Variants in CCDC159 observed in about 807,000 individuals in gnomAD.
CCDC159 encodes the protein coiled-coil domain-containing protein 159.
A neutral mutation model predicts 50.9 loss-of-function variants in CCDC159; 40 were observed. That is an observed-to-expected ratio of 0.79 (90% CI 0.61 to 1.02). The LOEUF is 1.02. CCDC159 is among the 50% of genes least tolerant of loss of function. CCDC159 has a pLI of 0.00. For missense variants in CCDC159, 356 were observed against 371.5 expected (o/e 0.96, Z 0.34); for synonymous variants, 146 against 138.9 (o/e 1.05, Z -0.36).
At chr19:11,351,156 G>C in intron 5 of CCDC159, 153 bp downstream of exon 5, 2 of 779,766 alleles carry the variant, frequency 2.6e-6, no homozygotes, top group Middle Eastern at 3.2e-4. Flanking sequence ...AGGGAATGAG[G>C]CCGGGTGTGG....
chr19:11,349,561 C>G (rs1346786919), intron 1 of CCDC159, 93 bp from the exon 2 acceptor site: 6 of 1,544,256 alleles, frequency 3.9e-6, no homozygotes, highest in Middle Eastern at 1.7e-4. Flanking sequence ...CTGAGGAGAT[C>G]CAACTCTTGT....
intron 1 of CCDC159, 102 bp downstream of exon 1, chr19:11,346,729 C>T: frequency 7.3e-7 from 1 of 1,363,952 alleles, no homozygotes; most frequent in Non-Finnish European, 1.0e-6. Context: ...ATAATTCTCC[C>T]GGGAGGGACA....
At chr19:11,353,961 C>A in intron 9 of CCDC159, 87 bp downstream of exon 9, 1 of 1,036,868 alleles carries the variant, frequency 9.6e-7, no homozygotes, top group Non-Finnish European at 1.4e-6. Flanking sequence ...ATTTGGGAGT[C>A]ACATCTGATG....
At chr19:11,351,411 T>A (rs1290789464) in intron 5 of CCDC159, 7 of 168,566 alleles carry the variant, frequency 4.2e-5, no homozygotes, top group Non-Finnish European at 7.2e-5. Context: ...CACTCCAGCC[T>A]GGGCGCCTGG....
In CCDC159 at chr19:11,349,941, A is replaced by G; in HGVS notation, c.59A>G (p.Lys20Arg). Residue 20 changes from lysine (K) to arginine (R), a missense_variant, in exon 3 of 11, where the codon AAG (lysine) becomes AGG (arginine). Physicochemically the swap from Lys to Arg is conservative, Grantham distance 26 (BLOSUM62 2). Transcript: ENST00000458408. The part of the protein sequence containing the change: ...LETSSSKVKA[K>R]TIVMIPDSQK... The stretch of plus-strand genomic sequence containing the variant: ...TCACCCTCTTCTCTGCCCACAGCCA[A>G]GACCATTGTGATGATTCCCGACTCC... The G allele has an allele frequency of 6.2e-6, 10 of 1,613,674 alleles. No homozygotes were observed. The highest frequency in any genetic ancestry group is 8.5e-6 in the Non-Finnish European group (10 of 1,179,798).
intron 10 of CCDC159, 66 bp from the exon 11 acceptor site, chr19:11,354,807 C>T: frequency 1.2e-6 from 2 of 1,612,228 alleles, no homozygotes; most frequent in Non-Finnish European, 1.7e-6. Context: ...GGCATGCGGT[C>T]CCTGACCTGC....
At chr19:11,353,261 C>T (rs1454970397) in intron 7 of CCDC159, 190 bp from the exon 8 acceptor site, 5 of 438,026 alleles carry the variant, frequency 1.1e-5, no homozygotes, top group East Asian at 6.5e-5. Flanking sequence ...CCACCACGCC[C>T]GGCTAACTTT....
At chr19:11,353,766 G>GC (rs1967719370) in intron 8 of CCDC159, 26 bp from the exon 9 acceptor site, 1 of 1,575,740 alleles carries the variant, frequency 6.3e-7, no homozygotes, top group Non-Finnish European at 8.6e-7. Context: ...GTCTCCCAGC[G>GC]CCCCCAGCTC....
chr19:11,346,763 C>A, intron 1 of CCDC159, 136 bp downstream of exon 1: 1 of 1,010,310 alleles, frequency 9.9e-7, no homozygotes, highest in Non-Finnish European at 1.5e-6. Context: ...CGGGATGGGA[C>A]GGGGAGAGAG....
rs187734834 is a variant in CCDC159, at chr19:11,354,592, A to T, written c.785A>T (p.His262Leu). The change falls in exon 10 of 11, where the codon CAC (histidine) becomes CTC (leucine). Residue 262 changes from histidine (H) to leucine (L), a missense_variant. Coordinates refer to ENST00000458408, the MANE Select transcript of CCDC159 (RefSeq NM_001080503.3). ...KASSLRGHKG[H>L]QCLSPPLPSW... ...GTCCCTCCTGCAGGCCACAAGGGGC[A>T]CCAGTGCCTGAGCCCTCCACTCCCC... 2.7e-4 allele frequency: 431 copies of T among 1,587,304 alleles called. 2 individuals are homozygous for T. The African/African-American group carries it at 5.3e-3, about 19-fold the overall frequency.
rs775112747 is a variant in CCDC159, at chr19:11,349,005, G to A, written c.22-649G>A. The A allele has an allele frequency of 1.3e-5, 17 of 1,340,670 alleles. No individual in the cohort carries two copies. In the African/African-American group the frequency reaches 1.9e-4, roughly 15 times the overall value. 83.0% of individuals were successfully genotyped at this position (1,340,670 alleles called of 1,614,324 possible). ...AAGGCTCTGGAGCGTACAGCTCACT[G>A]GTCCAGGACTCCAGAGCCAGAGACC... On this transcript the variant is annotated intron_variant, in intron 1 of 10. Transcript: ENST00000458408.
chr19:11,346,679 A>AG (rs1967251288), intron 1 of CCDC159, 52 bp downstream of exon 1: 28 of 1,538,792 alleles, frequency 1.8e-5, no homozygotes, highest in Middle Eastern at 1.7e-4. Context: ...TTCACAACCC[A>AG]GGGGGCGGAG....
intron 4 of CCDC159, 43 bp downstream of exon 4, chr19:11,350,242 G>GAGCCACCAC: frequency 1.3e-6 from 2 of 1,548,504 alleles, no homozygotes; most frequent in Non-Finnish European, 1.8e-6. Flanking sequence ...GGCCAGGCGT[G>GAGCCACCAC]GTGGCTCACG....
At chr19:11,353,904 G>A (rs1175796001) in intron 9 of CCDC159, 30 bp downstream of exon 9, 2 of 1,522,700 alleles carry the variant, frequency 1.3e-6, no homozygotes, top group South Asian at 1.2e-5. Flanking sequence ...GCTCAGGGGT[G>A]GGAGGTCATT....
chr19:11,349,599 G>A, intron 1 of CCDC159, 55 bp from the exon 2 acceptor site: 2 of 1,603,456 alleles, frequency 1.2e-6, no homozygotes, highest in African/African-American at 1.3e-5. Context: ...GTTGAGGTGA[G>A]CAAGGAGGCA....
intron 7 of CCDC159, among the ~76,000 whole-genome samples, chr19:11,353,073 C>A (rs1967669679): frequency 6.6e-6 from 1 of 151,978 alleles, no homozygotes; most frequent in Admixed American, 6.6e-5. Flanking sequence ...ATAACAGTCA[C>A]CTTTTACTAT....
chr19:11,352,275 T>C (rs1186254469), intron 7 of CCDC159, 142 bp downstream of exon 7: 2 of 781,660 alleles, frequency 2.6e-6, no homozygotes, highest in Non-Finnish European at 4.2e-6. Flanking sequence ...GCAAGTCACT[T>C]GACCTCTCTG....
chr19:11,349,051 G>C (rs569786346), intron 1 of CCDC159: 2 of 1,342,398 alleles, frequency 1.5e-6, no homozygotes, highest in African/African-American at 1.5e-5. Flanking sequence ...CTGCTTCTGG[G>C]GACACAGTGA....
At chr19:11,348,959 C>A (rs1599380122) in intron 1 of CCDC159, 1 of 1,346,682 alleles carries the variant, frequency 7.4e-7, no homozygotes. Flanking sequence ...GAAGCCCTCA[C>A]CCCTAGGCTC....
Sources: gnomAD v4.1 joint callset for allele counts (sites outside exome capture counted in the v4.1 genomes callset) on GRCh38, gnomAD v4.1.1 for gene constraint, MANE v1.5 for transcripts, NCBI Gene and HGNC (gene_info 2026-07-23, HGNC 2026-07-21) for gene names.